GLIS3: variants seen among roughly 807,000 people sequenced by gnomAD.
GLIS3 encodes the protein GLIS family zinc finger 3.
GLIS3 carries 53 observed loss-of-function variants against 78.6 expected under a neutral mutation model. The ratio of observed to expected loss-of-function variants is 0.67; its 90% CI spans 0.54 to 0.85. The LOEUF (loss-of-function observed/expected upper bound fraction) is 0.85. GLIS3 is among the 40% of genes least tolerant of loss of function. GLIS3 has a pLI of 0.00. For synonymous variants in GLIS3, 684 were observed against 509.9 expected, an observed-to-expected ratio of 1.34 and a Z score of -4.60; for missense variants, 1,703 against 1,231.1, an observed-to-expected ratio of 1.38 and a Z score of -5.74.
At chr9:4,206,574 T>A (rs919548834) in intron 2 of GLIS3, among the ~76,000 whole-genome samples, 2 of 152,168 alleles carry the variant, frequency 1.3e-5, no homozygotes, top group Non-Finnish European at 2.9e-5. Context: ...ATCTCTGAGG[T>A]CAATGAAACA....
the GLIS3 span, among the ~76,000 whole-genome samples, chr9:4,390,373 T>TC: frequency 2.2e-5 from 3 of 139,116 alleles, no homozygotes; most frequent in East Asian, 6.0e-4. Flanking sequence ...ATAAAAGTCT[T>TC]TTTTTTTTTT....
intron 2 of GLIS3, among the ~76,000 whole-genome samples, chr9:4,186,599 G>C (rs1817820026): frequency 2.0e-5 from 3 of 151,414 alleles, no homozygotes; most frequent in Admixed American, 2.0e-4. Context: ...GGTTGAACTA[G>C]TTTACAGTCC....
At chr9:4,394,158 T>C in the GLIS3 span, among the ~76,000 whole-genome samples, 1,347 of 131,018 alleles carry the variant, frequency 0.01, 14 homozygotes, top group African/African-American at 0.031. Context: ...TTGCTAACCG[T>C]GAGGACCCAG....
At chr9:4,184,214 C>T (rs1817572677) in intron 2 of GLIS3, among the ~76,000 whole-genome samples, 3 of 152,166 alleles carry the variant, frequency 2.0e-5, no homozygotes, top group Admixed American at 2.0e-4. Context: ...ATGTGGAGGG[C>T]ATGGCTTAAG....
Position 4,268,053 on chromosome 9 carries a change from G to GCACA in GLIS3, c.388+17981_388+17984dup, listed in dbSNP as rs376710564. Among the ~76,000 whole-genome samples, 8 of 151,224 alleles carry GCACA rather than the reference G, an allele frequency of 5.3e-5. No homozygotes were observed. In the East Asian group the frequency reaches 1.2e-3, roughly 22 times the overall value. ...TGTGCATACACACGTGCGTGCGTGC[G>GCACA]CACACACACACACACTCACACACAC... On this transcript the variant is annotated intron_variant, in intron 2 of 10. Coordinates refer to ENST00000381971, the MANE Select transcript of GLIS3 (RefSeq NM_001042413.2).
At chr9:4,267,787 G>T (rs7045959) in intron 2 of GLIS3, among the ~76,000 whole-genome samples, 57,713 of 151,988 alleles carry the variant, frequency 0.38, 11,097 homozygotes, top group Admixed American at 0.42. Flanking sequence ...TTAGTCTCTT[G>T]AAGTCTCAAA....
chr9:3,880,895 G>C (rs1055731074), intron 7 of GLIS3, among the ~76,000 whole-genome samples: 1 of 152,198 alleles, frequency 6.6e-6, no homozygotes, highest in African/African-American at 2.4e-5. Context: ...CATTCTGTCA[G>C]GTTAACTCTT....
the GLIS3 span, among the ~76,000 whole-genome samples, chr9:4,476,964 G>T: frequency 6.6e-6 from 1 of 152,078 alleles, no homozygotes. Context: ...CATTGCTGGT[G>T]GGATGTAAGA....
chr9:3,886,446 G>A (rs1019756309), intron 7 of GLIS3, among the ~76,000 whole-genome samples: 2 of 152,282 alleles, frequency 1.3e-5, no homozygotes, highest in Admixed American at 6.5e-5. Context: ...ACTGCACTTC[G>A]TTAAGGAGCG....
intron 2 of GLIS3, among the ~76,000 whole-genome samples, chr9:4,345,478 A>C (rs1817885994): frequency 6.6e-6 from 1 of 152,184 alleles, no homozygotes; most frequent in South Asian, 2.1e-4. Flanking sequence ...CATTTTTACT[A>C]GAATGGTAGG....
At chr9:4,345,529 C>G (rs1817886539) in intron 2 of GLIS3, among the ~76,000 whole-genome samples, 1 of 152,254 alleles carries the variant, frequency 6.6e-6, no homozygotes, top group Non-Finnish European at 1.5e-5. Context: ...ATTTAGAATA[C>G]TTATCAAACC....
Position 4,118,464 on chromosome 9 carries a change from C to A in GLIS3, c.1014G>T (p.Pro338=), listed in dbSNP as rs765633796. 2 of 1,613,680 alleles carry A rather than the reference C, an allele frequency of 1.2e-6. No homozygotes were observed. Among genetic ancestry groups the A allele is most frequent in the Non-Finnish European group, 1.7e-6 (2 of 1,180,018 alleles). The part of the protein sequence containing the change: ...VAYINGSRAS[P]ANLSPQPEVY... ...CCTCCGGCTGCGGGGACAGGTTGGC[C>A]GGCGAAGCCCTCGACCCGTTGATGT... Residue 338 remains proline (P), a synonymous_variant, in exon 4 of 11, where the codon CCG becomes CCT. Coordinates refer to ENST00000381971, the MANE Select transcript of GLIS3 (RefSeq NM_001042413.2). This position sits in a 1 kb window ranked among gnomAD's most constrained non-coding sequence, Gnocchi z 4.7.
At chr9:3,923,452 G>A (rs1282030253) in intron 6 of GLIS3, among the ~76,000 whole-genome samples, 3 of 152,126 alleles carry the variant, frequency 2.0e-5, no homozygotes, top group Admixed American at 1.3e-4. Context: ...TGGAATCCGG[G>A]TAATAAGAAA....
chr9:4,347,910 T>A (rs943458321), intron 1 of GLIS3, among the ~76,000 whole-genome samples: 2 of 152,228 alleles, frequency 1.3e-5, no homozygotes, highest in African/African-American at 4.8e-5. Context: ...AGTGGAGTTT[T>A]AGCCACACAT....
chr9:4,172,012 A>G (rs1816415365), intron 2 of GLIS3, among the ~76,000 whole-genome samples: 1 of 152,196 alleles, frequency 6.6e-6, no homozygotes, highest in Non-Finnish European at 1.5e-5. Context: ...TTTAATTCCA[A>G]CAATTAACAT....
chr9:4,127,608 C>A (rs993225849), intron 2 of GLIS3, among the ~76,000 whole-genome samples: 4 of 152,118 alleles, frequency 2.6e-5, no homozygotes, highest in African/African-American at 9.6e-5. Context: ...AAGCTACATG[C>A]ATTAGCTTTT....
At chr9:3,862,001 G>C (rs1391730957) in intron 8 of GLIS3, among the ~76,000 whole-genome samples, 15 of 152,150 alleles carry the variant, frequency 9.9e-5, no homozygotes, top group Admixed American at 9.8e-4. Flanking sequence ...TGATTTTCTA[G>C]TTCTAGAAGT....
chr9:4,436,543 G>T, the GLIS3 span, among the ~76,000 whole-genome samples: 5 of 152,072 alleles, frequency 3.3e-5, no homozygotes, highest in Non-Finnish European at 5.9e-5. Context: ...GGGTGGCTCA[G>T]CCTGTAATCC....
chr9:3,971,192 A>G (rs995926166), intron 4 of GLIS3, among the ~76,000 whole-genome samples: 1 of 151,990 alleles, frequency 6.6e-6, no homozygotes. Context: ...CAAGATAGCC[A>G]TGTCACCCAC....
Sources: allele counts gnomAD v4.1 joint callset (sites outside exome capture counted in the v4.1 genomes callset), GRCh38; gene constraint gnomAD v4.1.1; non-coding constraint Gnocchi (gnomAD v3.1); transcripts MANE v1.5; gene names NCBI Gene and HGNC (gene_info 2026-07-23, HGNC 2026-07-21).